The following DDC variants were observed in gnomAD, a reference collection of about 807,000 sequenced individuals.
DDC encodes the protein dopa decarboxylase.
In DDC, 43 loss-of-function variants were observed where a neutral mutation model predicts 60.0. The ratio of observed to expected loss-of-function variants is 0.72; its 90% CI spans 0.56 to 0.92. The LOEUF (loss-of-function observed/expected upper bound fraction) is 0.92, where lower values mean the gene tolerates loss of function less well. DDC is among the 40% of genes least tolerant of loss of function. The pLI is 0.00. For synonymous variants in DDC, 232 were observed against 234.6 expected (o/e 0.99, Z 0.10); for missense variants, 573 against 620.2 (o/e 0.92, Z 0.81).
At position 50,506,312 on chromosome 7, in the gene DDC, T is replaced by G. The variant is rs201164559; in HGVS notation, c.715-2253A>C. Among the ~76,000 whole-genome samples the G allele has an allele frequency of 1.8e-4, 28 of 152,258 alleles. No homozygotes were observed. The East Asian group carries it at 5.2e-3, about 28-fold the overall frequency. On this transcript the variant is annotated intron_variant, in intron 6 of 14. Coordinates refer to ENST00000444124, the MANE Select transcript of DDC (RefSeq NM_001082971.2). ...GCATTTCAAAGGTGAATTTGCTTTT[T>G]TTTTACAAATTTGTTTGAGTTCCAC...
At chr7:50,538,366 C>T (rs534046939) in intron 3 of DDC, among the ~76,000 whole-genome samples, 1 of 152,260 alleles carries the variant, frequency 6.6e-6, no homozygotes, top group African/African-American at 2.4e-5. Flanking sequence ...AGCCATTGAT[C>T]TTGTCTTTTA....
intron 9 of DDC, among the ~76,000 whole-genome samples, chr7:50,487,163 G>A (rs924529496): frequency 6.6e-6 from 1 of 152,160 alleles, no homozygotes; most frequent in African/African-American, 2.4e-5. Context: ...ATATGAAAGA[G>A]TTCTAATTAA....
At chr7:50,494,757 G>T (rs11575424) in intron 9 of DDC, among the ~76,000 whole-genome samples, 1 of 151,914 alleles carries the variant, frequency 6.6e-6, no homozygotes, top group African/African-American at 2.4e-5. Context: ...TGCCTCCCAG[G>T]TTCAAGCGAT....
chr7:50,460,252 C>T (rs1423746021), intron 14 of DDC, among the ~76,000 whole-genome samples: 8 of 146,564 alleles, frequency 5.5e-5, no homozygotes, highest in Non-Finnish European at 1.2e-4. Context: ...AGCCCCTGGC[C>T]CAGCCTGCCG....
intron 6 of DDC, among the ~76,000 whole-genome samples, chr7:50,517,759 A>G (rs777937556): frequency 5.3e-5 from 8 of 150,952 alleles, no homozygotes; most frequent in Non-Finnish European, 1.2e-4. Flanking sequence ...TACACAAGTC[A>G]GTAGCTCTTC....
intron 8 of DDC, among the ~76,000 whole-genome samples, chr7:50,497,819 G>A (rs1233880976): frequency 2.0e-5 from 3 of 152,222 alleles, no homozygotes; most frequent in African/African-American, 4.8e-5. Flanking sequence ...ATGAGTGAAT[G>A]ATTGTGATGC....
intron 6 of DDC, among the ~76,000 whole-genome samples, chr7:50,517,500 C>A (rs2043765056): frequency 6.6e-6 from 1 of 152,142 alleles, no homozygotes; most frequent in Admixed American, 6.5e-5. Context: ...AAAGCATTCC[C>A]TCTGAGAACT....
chr7:50,527,434 A>G (rs1246094711), intron 6 of DDC, among the ~76,000 whole-genome samples: 1 of 152,240 alleles, frequency 6.6e-6, no homozygotes, highest in Non-Finnish European at 1.5e-5. Flanking sequence ...TTATTTAAAT[A>G]GAATCTATTC....
intron 10 of DDC, among the ~76,000 whole-genome samples, chr7:50,477,772 G>C (rs1029034156): frequency 6.6e-6 from 1 of 152,096 alleles, no homozygotes. Context: ...TCTCCTTTAC[G>C]ACACATGGCC....
chr7:50,527,246 C>T (rs1022927312), intron 6 of DDC, among the ~76,000 whole-genome samples: 10 of 152,082 alleles, frequency 6.6e-5, no homozygotes, highest in African/African-American at 2.4e-4. Flanking sequence ...CAGCATTTGT[C>T]TTTTTATTTC....
chr7:50,564,856 C>T (rs1026132849), intron 1 of DDC, among the ~76,000 whole-genome samples: 1 of 152,186 alleles, frequency 6.6e-6, no homozygotes, highest in Admixed American at 6.5e-5. Context: ...GCAGAGTTCA[C>T]ATTTACTAAT....
At chr7:50,495,929 G>A (rs2043117763) in intron 8 of DDC, among the ~76,000 whole-genome samples, 1 of 152,172 alleles carries the variant, frequency 6.6e-6, no homozygotes, top group Admixed American at 6.5e-5. Flanking sequence ...AGCTAGCAAA[G>A]TTCTCAGACT....
At chr7:50,550,224 A>T (rs1000493701) in intron 1 of DDC, among the ~76,000 whole-genome samples, 1 of 152,246 alleles carries the variant, frequency 6.6e-6, no homozygotes, top group Non-Finnish European at 1.5e-5. Context: ...ATCGACATGG[A>T]GGCAAGACCC....
At chr7:50,526,022 AC>A (rs1448028352) in intron 6 of DDC, among the ~76,000 whole-genome samples, 1 of 152,086 alleles carries the variant, frequency 6.6e-6, no homozygotes, top group African/African-American at 2.4e-5. Flanking sequence ...GGAGAGGCAA[AC>A]TTTGGGAAGA....
intron 10 of DDC, among the ~76,000 whole-genome samples, chr7:50,478,720 A>C (rs1326030939): frequency 1.3e-5 from 2 of 152,186 alleles, no homozygotes; most frequent in African/African-American, 4.8e-5. Context: ...TGGACTACTT[A>C]ATAGGTCTTA....
chr7:50,514,677 T>C (rs979246328), intron 6 of DDC, among the ~76,000 whole-genome samples: 2 of 152,028 alleles, frequency 1.3e-5, no homozygotes, highest in South Asian at 4.1e-4. Context: ...CTTTTAGAAA[T>C]GTGGAATGCT....
At chr7:50,556,556 T>C (rs553858693) in intron 1 of DDC, among the ~76,000 whole-genome samples, 1 of 152,312 alleles carries the variant, frequency 6.6e-6, no homozygotes, top group Non-Finnish European at 1.5e-5. Context: ...GCCATCATCC[T>C]AGGCACCACA....
intron 6 of DDC, among the ~76,000 whole-genome samples, chr7:50,509,965 A>T (rs2043503867): frequency 6.7e-6 from 1 of 149,680 alleles, no homozygotes; most frequent in Non-Finnish European, 1.5e-5. Flanking sequence ...CTTATATAAG[A>T]TACTTACGTA....
intron 4 of DDC, chr7:50,531,657 C>T (rs977789891): frequency 6.6e-6 from 1 of 151,970 alleles, no homozygotes; most frequent in African/African-American, 2.4e-5. Flanking sequence ...TTTTAAAAGC[C>T]TGAAGGAGCA....
Sources: allele counts gnomAD v4.1 joint callset (sites outside exome capture counted in the v4.1 genomes callset), GRCh38; gene constraint gnomAD v4.1.1; transcripts MANE v1.5; gene names NCBI Gene and HGNC (gene_info 2026-07-23, HGNC 2026-07-21).